Variants in C15orf40 observed in about 807,000 individuals in gnomAD.
C15orf40 encodes UPF0235 protein C15orf40.
Under a neutral mutation model 13.9 loss-of-function variants are expected in C15orf40, and 9 were observed. The observed-to-expected ratio is 0.65, with a 90% CI of 0.39 to 1.13. The LOEUF is 1.13. C15orf40 is among the 50% of genes most tolerant of loss of function. C15orf40 has a pLI of 0.01. For missense variants in C15orf40, 225 were observed against 188.5 expected, an observed-to-expected ratio of 1.19 and a Z score of -1.13; for synonymous variants, 95 against 69.2, an observed-to-expected ratio of 1.37 and a Z score of -1.85.
chr15:82,999,125 G>C lies in C15orf40; in HGVS notation c.*6472C>G, dbSNP rs1454693037. 1.1e-5 allele frequency: 1 copy of C among 90,350 alleles called. No homozygotes were observed. The highest frequency in any genetic ancestry group is 6.2e-5 in the African/African-American group (1 of 16,072). The allele number at this position is 90,350 out of a possible 1,614,324, so 5.6% of individuals were successfully genotyped here. On this transcript the variant is annotated 3_prime_UTR_variant, in exon 4 of 4. Transcript: ENST00000304177. ...GATGGCAGCAGTACAGTCCAGCTTTGGCTTGGCATCAGAGGGAGACCGTGG... is the reference window on the plus strand; with the variant it reads ...GATGGCAGCAGTACAGTCCAGCTTTCGCTTGGCATCAGAGGGAGACCGTGG...
chr15:83,008,160 C>T, intron 3 of C15orf40: 1 of 209,538 alleles, frequency 4.8e-6, no homozygotes, highest in Non-Finnish European at 9.7e-6. Context: ...CCACTGCACT[C>T]CAGGCTGGAC....
chr15:82,997,122 A>T lies in C15orf40; in HGVS notation c.*8475T>A, dbSNP rs2031127026. 1 of 149,722 alleles carries T rather than the reference A, an allele frequency of 6.7e-6. No homozygotes were observed. The highest frequency in any genetic ancestry group is 1.5e-5 in the Non-Finnish European group (1 of 67,518). The allele number at this position is 149,722 out of a possible 1,614,324, so 9.3% of individuals were successfully genotyped here. ...CACTGTTCTCTATCTTGCCTTCTAAATTTCATACCGTTTTCAGCCTCTTCT... is the reference window on the plus strand; with the variant it reads ...CACTGTTCTCTATCTTGCCTTCTAATTTTCATACCGTTTTCAGCCTCTTCT... On this transcript the variant is annotated 3_prime_UTR_variant, in exon 4 of 4. Coordinates refer to ENST00000304177, the MANE Select transcript of C15orf40 (RefSeq NM_144597.3).
At position 83,011,510 on chromosome 15, in the gene C15orf40, C is replaced by T. The variant is rs1222291989; in HGVS notation, c.98G>A (p.Gly33Asp). The T allele has an allele frequency of 6.2e-7, 1 of 1,606,426 alleles. No individual in the cohort carries two copies. The stretch of plus-strand genomic sequence containing the variant: ...CCTGCTACTGGCCTTGGTCGTCGCA[C>T]CAGCCTTCTTAGGCATCTCGGCGCA... ...LLCAEMPKKA[G>D]ATTKGKSQSK... The change falls in exon 1 of 4, where the codon GGT becomes GAT. Residue 33 changes from glycine to aspartate, a missense_variant. Physicochemically the swap from Gly to Asp is moderately conservative, Grantham distance 94 (BLOSUM62 -1). Coordinates refer to ENST00000304177, the MANE Select transcript of C15orf40 (RefSeq NM_144597.3).
rs964467403 is a variant in C15orf40, at chr15:83,004,691, T to C, written c.*906A>G. On this transcript the variant is annotated 3_prime_UTR_variant, in exon 4 of 4. Transcript: ENST00000304177. ...TACAAGTCATGATTTTTCTTTACTT[T>C]TTCAACAAAATGGTAAATATAGTCT... The C allele has an allele frequency of 3.0e-5, 28 of 925,826 alleles. No homozygotes were observed. Among genetic ancestry groups the C allele is most frequent in the Non-Finnish European group, 3.4e-5 (26 of 773,716 alleles). 57.4% of individuals were successfully genotyped at this position (925,826 alleles called of 1,614,324 possible). A position where few individuals can be genotyped will look rare whatever the true frequency, so the allele number is the denominator to read the frequency against.
rs1299334214 is a variant in C15orf40, at chr15:82,998,004, C to T, written c.*7593G>A. On this transcript the variant is annotated 3_prime_UTR_variant, in exon 4 of 4. Transcript: ENST00000304177. ...CTCCCGGACGGGGCGGCTGGCCAGG[C>T]GGGGGGCTGACCCCCCCACCTCCCT... The T allele has an allele frequency of 7.3e-6, 1 of 136,106 alleles. No homozygotes were observed. Among genetic ancestry groups the T allele is most frequent in the Admixed American group, 7.1e-5 (1 of 14,064 alleles). The allele number at this position is 136,106 out of a possible 1,614,324, so 8.4% of individuals were successfully genotyped here. A position where few individuals can be genotyped will look rare whatever the true frequency, so the allele number is the denominator to read the frequency against.
At position 83,000,972 on chromosome 15, in the gene C15orf40, C is replaced by A. The variant is rs2031393290; in HGVS notation, c.*4625G>T. ...GGACTACAGGCATGCATTGCCATGC[C>A]CAGCGAATATTTGTATTTGTAGTAG... On this transcript the variant is annotated 3_prime_UTR_variant, in exon 4 of 4. Transcript: ENST00000304177. The A allele has an allele frequency of 1.3e-5, 4 of 312,140 alleles. No individual in the cohort carries two copies. Among genetic ancestry groups the A allele is most frequent in the Non-Finnish European group, 1.4e-5 (3 of 214,726 alleles). 19.3% of individuals were successfully genotyped at this position (312,140 alleles called of 1,614,324 possible). A position where few individuals can be genotyped will look rare whatever the true frequency, so the allele number is the denominator to read the frequency against.
rs1467940449 is a variant in C15orf40 at position 83,005,499 on chromosome 15, G to A, written c.*98C>T. 1 of 1,088,138 alleles carries A rather than the reference G, an allele frequency of 9.2e-7. No individual in the cohort carries two copies. Among genetic ancestry groups the A allele is most frequent in the African/African-American group, 1.6e-5 (1 of 61,164 alleles). 67.4% of individuals were successfully genotyped at this position (1,088,138 alleles called of 1,614,324 possible). ...GGGTTTCACCATGTTGGTCAGGCTG[G>A]TCTCGAACTCCTGACCTCAGGTGAT... On this transcript the variant is annotated 3_prime_UTR_variant, in exon 4 of 4. Transcript: ENST00000304177.
At position 82,998,326 on chromosome 15, in the gene C15orf40, T is replaced by G; in HGVS notation, c.*7271A>C. Reference sequence around the variant, plus strand: ...GCTGCCGGGCGGAGACGCTCCTCACTTCCCAGATGGGGTGGCTGCCGGGCG... The same window carrying G: ...GCTGCCGGGCGGAGACGCTCCTCACGTCCCAGATGGGGTGGCTGCCGGGCG... On this transcript the variant is annotated 3_prime_UTR_variant, in exon 4 of 4. Coordinates refer to ENST00000304177, the MANE Select transcript of C15orf40 (RefSeq NM_144597.3). 7.6e-6 allele frequency: 1 copy of G among 130,942 alleles called. No homozygotes were observed. The allele number at this position is 130,942 out of a possible 1,614,324, so 8.1% of individuals were successfully genotyped here.
chr15:82,990,987 C>A, downstream of C15orf40: 1 of 206,242 alleles, frequency 4.8e-6, no homozygotes, highest in Non-Finnish European at 9.6e-6. Flanking sequence ...TATTTCAAAT[C>A]ACTTTAATGA....
intron 2 of C15orf40, among the ~76,000 whole-genome samples, chr15:83,009,072 T>C (rs1030949170): frequency 6.6e-6 from 1 of 152,162 alleles, no homozygotes; most frequent in Admixed American, 6.5e-5. Flanking sequence ...TACTAGATTG[T>C]ACAAGGTTGT....
At chr15:83,009,208 A>T (rs962425666) in intron 2 of C15orf40, among the ~76,000 whole-genome samples, 1 of 152,254 alleles carries the variant, frequency 6.6e-6, no homozygotes, top group African/African-American at 2.4e-5. Flanking sequence ...CACTTACTAT[A>T]CACCAATTTT....
downstream of C15orf40, chr15:82,989,154 A>C (rs143249247): frequency 2.5e-6 from 4 of 1,613,684 alleles, no homozygotes; most frequent in African/African-American, 4.0e-5. Context: ...ATGGAATAGC[A>C]GAGCTGGTGG....
downstream of C15orf40, chr15:82,989,830 G>T: frequency 1.9e-6 from 3 of 1,594,682 alleles, no homozygotes; most frequent in Non-Finnish European, 2.6e-6. Context: ...TTTGTCATAT[G>T]TTTTTTTTAA....
rs1257076879 is a variant in C15orf40 at position 83,005,298 on chromosome 15, CG to C, written c.*298del. The C allele has an allele frequency of 1.0e-6, 1 of 985,690 alleles. No individual in the cohort carries two copies. The highest frequency in any genetic ancestry group is 1.2e-6 in the Non-Finnish European group (1 of 819,780). 61.1% of individuals were successfully genotyped at this position (985,690 alleles called of 1,614,324 possible). On this transcript the variant is annotated 3_prime_UTR_variant, in exon 4 of 4. Transcript: ENST00000304177. Reference sequence around the variant, plus strand: ...GATGTATTTTTTATTTCTTTTTTTTCGGGGGGAGAGAGTTTCACTCTTGTTG... The same window carrying C: ...GATGTATTTTTTATTTCTTTTTTTTCGGGGGAGAGAGTTTCACTCTTGTTG...
intron 3 of C15orf40, among the ~76,000 whole-genome samples, chr15:83,006,714 C>T (rs1418118702): frequency 6.6e-6 from 1 of 152,088 alleles, no homozygotes; most frequent in Non-Finnish European, 1.5e-5. Context: ...TGCAGTGAGC[C>T]GAGATTGCGC....
downstream of C15orf40, among the ~76,000 whole-genome samples, chr15:82,989,685 A>T (rs1361986481): frequency 6.6e-6 from 1 of 152,236 alleles, no homozygotes; most frequent in Non-Finnish European, 1.5e-5. Flanking sequence ...AAGTGTACCT[A>T]GTATAATACT....
At chr15:82,990,665 A>G (rs1358346817), downstream of C15orf40, 1 of 1,530,916 alleles carries the variant, frequency 6.5e-7, no homozygotes, top group African/African-American at 1.4e-5. Flanking sequence ...GCTGTAAAAT[A>G]AGGAAGGAAT....
downstream of C15orf40, among the ~76,000 whole-genome samples, chr15:82,989,699 A>G (rs1420218220): frequency 6.6e-6 from 1 of 152,258 alleles, no homozygotes; most frequent in Non-Finnish European, 1.5e-5. Context: ...TAATACTGGA[A>G]GAATGATTTC....
rs183113329 is a variant in C15orf40 at position 83,003,500 on chromosome 15, G to A, written c.*2097C>T. ...TCCATGTAAAATCCACAAGTAAAAC[G>A]GCTTTACAGCACACATGGCAATGGT... On this transcript the variant is annotated 3_prime_UTR_variant, in exon 4 of 4. Coordinates refer to ENST00000304177, the MANE Select transcript of C15orf40 (RefSeq NM_144597.3). 3 of 152,228 alleles carry A rather than the reference G, an allele frequency of 2.0e-5. 1 individual carries two copies. The highest frequency in any genetic ancestry group is 4.4e-5 in the Non-Finnish European group (3 of 68,028). 9.4% of individuals were successfully genotyped at this position (152,228 alleles called of 1,614,324 possible). A position where few individuals can be genotyped will look rare whatever the true frequency, so the allele number is the denominator to read the frequency against.
Sources: gnomAD v4.1 joint callset for allele counts (sites outside exome capture counted in the v4.1 genomes callset) on GRCh38, gnomAD v4.1.1 for gene constraint, MANE v1.5 for transcripts, NCBI Gene and HGNC (gene_info 2026-07-23, HGNC 2026-07-21) for gene names.